The following SYCP1 variants were observed in gnomAD, a reference collection of about 807,000 sequenced individuals.
SYCP1 encodes synaptonemal complex protein 1, also known as cancer/testis antigen 8.
SYCP1 carries 64 observed loss-of-function variants against 153.1 expected under a neutral mutation model. That is an observed-to-expected ratio of 0.42 (90% confidence interval 0.34 to 0.51). SYCP1 has a LOEUF of 0.51. Among genes scored for constraint, SYCP1 ranks in the 20% least tolerant of loss-of-function variants. The pLI is 0.06. For synonymous variants in SYCP1, 384 were observed against 341.8 expected (o/e 1.12, Z -1.36); for missense variants, 997 against 1,049.0 (o/e 0.95, Z 0.68).
At chr1:114,947,401 A>T in intron 27 of SYCP1, 81 bp downstream of exon 27, 1 of 930,562 alleles carries the variant, frequency 1.1e-6, no homozygotes. Context: ...TCATATTATA[A>T]AATAATTTGA....
At chr1:114,879,458 T>G (rs1168188353) in intron 12 of SYCP1, among the ~76,000 whole-genome samples, 2 of 152,204 alleles carry the variant, frequency 1.3e-5, no homozygotes, top group Admixed American at 1.3e-4. Flanking sequence ...TTTGGCTACT[T>G]CCTGTACTCA....
chr1:114,932,425 G>C (rs1012598808), intron 23 of SYCP1, among the ~76,000 whole-genome samples: 7 of 152,122 alleles, frequency 4.6e-5, no homozygotes, highest in Non-Finnish European at 1.0e-4. Flanking sequence ...ATTGGCAAAG[G>C]GGGAAAACTG....
chr1:114,855,437 G>A lies in SYCP1; in HGVS notation c.-24-4G>A, dbSNP rs769436460. The A allele has an allele frequency of 2.5e-6, 4 of 1,586,054 alleles. No homozygotes were observed. The highest frequency in any genetic ancestry group is 1.7e-4 in the Middle Eastern group (1 of 5,950). ...CTTCCCCTCCCGCCCCCCCGGGGCA[G>A]TAGATATTTACAACCGTAACAGAGA... On this transcript the variant is annotated splice_region_variant and splice_polypyrimidine_tract_variant and intron_variant, in intron 1 of 31. Transcript: ENST00000369522.
chr1:114,962,879 C>T (rs1208887476), intron 27 of SYCP1, among the ~76,000 whole-genome samples: 1 of 152,136 alleles, frequency 6.6e-6, no homozygotes, highest in East Asian at 1.9e-4. Flanking sequence ...GGCGAATTCT[C>T]TCAGCATTTG....
At chr1:114,988,080 C>CAAAAAAAAAA (rs34553973) in intron 30 of SYCP1, among the ~76,000 whole-genome samples, 2 of 114,640 alleles carry the variant, frequency 1.7e-5, no homozygotes, top group African/African-American at 3.9e-5. Flanking sequence ...TGATAAACGG[C>CAAAAAAAAAA]AAAAAAAAAA....
chr1:114,934,017 C>T (rs1199703345), intron 23 of SYCP1, among the ~76,000 whole-genome samples: 1 of 152,112 alleles, frequency 6.6e-6, no homozygotes, highest in Non-Finnish European at 1.5e-5. Context: ...ACTTCCCCAA[C>T]CTAGCAAGGC....
At chr1:114,893,428 A>C (rs948100736) in intron 15 of SYCP1, among the ~76,000 whole-genome samples, 2 of 151,846 alleles carry the variant, frequency 1.3e-5, no homozygotes, top group Non-Finnish European at 2.9e-5. Context: ...TCCCTTGCTA[A>C]TTCAATCTTT....
intron 16 of SYCP1, among the ~76,000 whole-genome samples, chr1:114,901,323 A>T (rs1667433715): frequency 1.3e-5 from 2 of 152,210 alleles, no homozygotes; most frequent in Admixed American, 1.3e-4. Context: ...TTATAAATAG[A>T]GCTATAACTT....
rs748648737 is a variant in SYCP1 at position 114,910,494 on chromosome 1, C to A, written c.1418C>A (p.Ala473Asp). The change falls in exon 17 of 32, where the codon GCC (alanine) becomes GAC (aspartate). Residue 473 changes from alanine (A) to aspartate (D), a missense_variant. Transcript: ENST00000369522. ...CAAGAACTAATTGGTCTTCTCCAAG[C>A]CAGAGAGGTTTGTTTAAGGAAACAT... ...TEQELIGLLQAREKEVHDLEI... is the reference protein window; with the variant it reads ...TEQELIGLLQDREKEVHDLEI... 1.3e-6 allele frequency: 2 copies of A among 1,556,444 alleles called. No individual in the cohort carries two copies. Among genetic ancestry groups the A allele is most frequent in the Non-Finnish European group, 1.7e-6 (2 of 1,154,344 alleles).
chr1:114,984,748 A>G lies in SYCP1; in HGVS notation c.2583A>G (p.Thr861=), dbSNP rs1673387155. Residue 861 remains threonine, a synonymous_variant, in exon 30 of 32, where the codon ACA becomes ACG. Transcript: ENST00000369522. The stretch of plus-strand genomic sequence containing the variant: ...AGGCATATACAGTGAAGACACCAAC[A>G]AAACCAAAACTACAGCAAAGAGAAA... ...LPKAYTVKTP[T]KPKLQQRENL... is the part of the protein sequence containing the mutation. 6.7e-7 allele frequency: 1 copy of G among 1,487,150 alleles called. No individual in the cohort carries two copies. Among genetic ancestry groups the G allele is most frequent in the Non-Finnish European group, 8.9e-7 (1 of 1,123,410 alleles). The allele number at this position is 1,487,150 out of a possible 1,614,324, so 92.1% of individuals were successfully genotyped here.
chr1:114,947,920 T>TA (rs1159083001), intron 27 of SYCP1, among the ~76,000 whole-genome samples: 1 of 151,766 alleles, frequency 6.6e-6, no homozygotes, highest in African/African-American at 2.4e-5. Context: ...CCTTTTTTTT[T>TA]ATTATACTTT....
intron 23 of SYCP1, among the ~76,000 whole-genome samples, chr1:114,930,141 G>T (rs187863623): frequency 6.6e-6 from 1 of 151,856 alleles, no homozygotes; most frequent in African/African-American, 2.4e-5. Flanking sequence ...ATTTTAAACG[G>T]AATGATGAGA....
chr1:114,867,055 T>C (rs547315713), intron 8 of SYCP1, among the ~76,000 whole-genome samples: 2 of 152,268 alleles, frequency 1.3e-5, no homozygotes, highest in African/African-American at 4.8e-5. Context: ...CAAAGATCAG[T>C]TGACTATATA....
intron 26 of SYCP1, 92 bp from the exon 27 acceptor site, chr1:114,947,154 A>G: frequency 4.4e-6 from 4 of 914,796 alleles, no homozygotes; most frequent in Non-Finnish European, 6.9e-6. Context: ...TTTCTCTACA[A>G]TATTAAATTT....
intron 27 of SYCP1, among the ~76,000 whole-genome samples, chr1:114,972,194 A>G (rs1165015276): frequency 6.6e-6 from 1 of 152,010 alleles, no homozygotes; most frequent in Non-Finnish European, 1.5e-5. Context: ...TTTAAAATTT[A>G]TTGGCATATA....
chr1:114,862,871 C>CT (rs769828334), intron 8 of SYCP1: 3 of 151,818 alleles, frequency 2.0e-5, no homozygotes, highest in Non-Finnish European at 2.9e-5. Context: ...TGTTATTGTG[C>CT]TTTTTTCTTT....
intron 14 of SYCP1, among the ~76,000 whole-genome samples, chr1:114,886,939 A>G (rs984287496): frequency 6.6e-6 from 1 of 152,004 alleles, no homozygotes; most frequent in African/African-American, 2.4e-5. Flanking sequence ...ATATTTATAT[A>G]AAGCTGTGTT....
intron 27 of SYCP1, among the ~76,000 whole-genome samples, chr1:114,952,491 A>G (rs928618624): frequency 6.6e-6 from 1 of 152,202 alleles, no homozygotes; most frequent in African/African-American, 2.4e-5. Flanking sequence ...TAATTGACTC[A>G]CAGTTCCACA....
At chr1:114,884,301 C>A (rs990569334) in intron 12 of SYCP1, among the ~76,000 whole-genome samples, 1 of 152,186 alleles carries the variant, frequency 6.6e-6, no homozygotes, top group Non-Finnish European at 1.5e-5. Context: ...TCTATCTCTT[C>A]TGTGTTTTCC....
Sources: gnomAD v4.1 joint callset for allele counts (sites outside exome capture counted in the v4.1 genomes callset) on GRCh38, gnomAD v4.1.1 for gene constraint, MANE v1.5 for transcripts, NCBI Gene and HGNC (gene_info 2026-07-23, HGNC 2026-07-21) for gene names.